The following DEPDC5 variants were observed in gnomAD, a reference collection of about 807,000 sequenced individuals.
DEPDC5 encodes GATOR1 complex protein DEPDC5.
In DEPDC5, 73 loss-of-function variants were observed where a neutral mutation model predicts 217.3. The observed-to-expected ratio is 0.34, with a 90% CI of 0.28 to 0.41. The LOEUF (loss-of-function observed/expected upper bound fraction) is 0.41. Ranked by LOEUF, DEPDC5 falls within the 10% of genes least tolerant of loss-of-function variation. DEPDC5 has a pLI of 1.00. For missense variants in DEPDC5, 1,675 were observed against 2,070.1 expected (o/e 0.81, Z 3.70); for synonymous variants, 733 against 756.7 (o/e 0.97, Z 0.51).
intron 37 of DEPDC5, among the ~76,000 whole-genome samples, chr22:31,878,944 T>C (rs1426478084): frequency 6.7e-6 from 1 of 149,814 alleles, no homozygotes; most frequent in Non-Finnish European, 1.5e-5. Context: ...GGAGAATCAC[T>C]TGAACCTGGG....
chr22:31,814,821 C>T, intron 20 of DEPDC5, 171 bp from the exon 21 acceptor site: 1 of 632,636 alleles, frequency 1.6e-6, no homozygotes, highest in African/African-American at 1.8e-5. Flanking sequence ...TATATAACAT[C>T]TCAAGCTGTT....
rs34058587 is a variant in DEPDC5 at position 31,776,572 on chromosome 22, C to CTTTTT, written c.414-1510_414-1506dup. The stretch of plus-strand genomic sequence containing the variant: ...TTTACTTTTTCTACTGTACTATTCA[C>CTTTTT]TTTTTTTTTTTTTTTTTTTTTGAGG... On this transcript the variant is annotated intron_variant, in intron 7 of 42. Coordinates refer to ENST00000651528, the MANE Select transcript of DEPDC5 (RefSeq NM_001242896.3). 1.4e-4 allele frequency among the ~76,000 whole-genome samples: 15 copies of CTTTTT among 104,136 alleles called. 1 individual carries two copies. The highest frequency in any genetic ancestry group is 3.7e-4 in the Admixed American group (3 of 8,008). 68.3% of individuals were successfully genotyped at this position (104,136 alleles called of 152,430 possible). A position where few individuals can be genotyped will look rare whatever the true frequency, so the allele number is the denominator to read the frequency against.
At chr22:31,771,923 G>C (rs141289656) in intron 7 of DEPDC5, among the ~76,000 whole-genome samples, 9 of 152,132 alleles carry the variant, frequency 5.9e-5, no homozygotes, top group African/African-American at 2.2e-4. Flanking sequence ...ACAAAAATTA[G>C]CTGGTCATGG....
intron 21 of DEPDC5, chr22:31,817,521 C>G (rs992034409): frequency 9.3e-6 from 4 of 430,636 alleles, no homozygotes; most frequent in Non-Finnish European, 1.8e-5. Flanking sequence ...CAGGTTCTCA[C>G]TCTGTTGCCC....
chr22:31,766,787 T>G, intron 6 of DEPDC5, 119 bp downstream of exon 6: 1 of 811,730 alleles, frequency 1.2e-6, no homozygotes, highest in Non-Finnish European at 2.0e-6. Context: ...TACAGACAAT[T>G]ATTGTCAACG....
In DEPDC5 at chr22:31,868,092, G is replaced by C. The variant is rs2092737590; in HGVS notation, c.3331-2498G>C. Among the ~76,000 whole-genome samples, 3 of 152,154 alleles carry C rather than the reference G, an allele frequency of 2.0e-5. 1 individual carries two copies. Among genetic ancestry groups the C allele is most frequent in the Admixed American group, 2.0e-4 (3 of 15,282 alleles). Reference sequence around the variant, plus strand: ...AAGCTGTCTCTTGCTGCATTTCTCTGTGTGTTTATGGTGCCAGCAAAACCT... The same window carrying C: ...AAGCTGTCTCTTGCTGCATTTCTCTCTGTGTTTATGGTGCCAGCAAAACCT... On this transcript the variant is annotated intron_variant, in intron 33 of 42. Transcript: ENST00000651528.
intron 7 of DEPDC5, among the ~76,000 whole-genome samples, chr22:31,777,719 C>G (rs2084020682): frequency 6.6e-6 from 1 of 151,998 alleles, no homozygotes; most frequent in Admixed American, 6.6e-5. Flanking sequence ...GCAGAGCCAC[C>G]TGAAGTTGCC....
intron 38 of DEPDC5, among the ~76,000 whole-genome samples, chr22:31,883,219 AG>A (rs1194367395): frequency 6.6e-6 from 1 of 152,152 alleles, no homozygotes; most frequent in African/African-American, 2.4e-5. Context: ...CCGCTGTCCT[AG>A]GGGGAACTGA....
intron 35 of DEPDC5, 94 bp from the exon 36 acceptor site, chr22:31,874,179 T>TC: frequency 6.6e-7 from 1 of 1,506,586 alleles, no homozygotes; most frequent in Non-Finnish European, 9.0e-7. Context: ...TATTAAATGC[T>TC]CTAGTGGGAG....
intron 38 of DEPDC5, 125 bp from the exon 39 acceptor site, chr22:31,893,457 C>A (rs922517590): frequency 1.4e-5 from 13 of 911,670 alleles, no homozygotes; most frequent in Admixed American, 7.9e-5. Flanking sequence ...CAGGAAACTT[C>A]TGGAATCTGC....
At chr22:31,761,428 C>T (rs2082376294) in intron 4 of DEPDC5, among the ~76,000 whole-genome samples, 1 of 151,992 alleles carries the variant, frequency 6.6e-6, no homozygotes, top group African/African-American at 2.4e-5. Flanking sequence ...TAATGGTGGC[C>T]TCCAACTCCA....
intron 12 of DEPDC5, 101 bp from the exon 13 acceptor site, chr22:31,797,499 C>T (rs975664975): frequency 8.9e-5 from 83 of 933,896 alleles, no homozygotes; most frequent in East Asian, 5.9e-4. Flanking sequence ...GTTCCTCCCT[C>T]GACACATGGG....
chr22:31,866,139 C>T (rs2092682259), intron 33 of DEPDC5, among the ~76,000 whole-genome samples: 1 of 152,122 alleles, frequency 6.6e-6, no homozygotes, highest in Admixed American at 6.6e-5. Flanking sequence ...GTGCTAATCT[C>T]AGAGGCATCT....
intron 38 of DEPDC5, among the ~76,000 whole-genome samples, chr22:31,889,108 G>C (rs1002252664): frequency 6.6e-6 from 1 of 152,134 alleles, no homozygotes; most frequent in African/African-American, 2.4e-5. Context: ...CCCTTCCCCA[G>C]GTTACTGATA....
rs1224909314 is a variant in DEPDC5, at chr22:31,784,825, T to C, written c.574T>C (p.Phe192Leu). 2 of 1,613,420 alleles carry C rather than the reference T, an allele frequency of 1.2e-6. No homozygotes were observed. The highest frequency in any genetic ancestry group is 1.7e-6 in the Non-Finnish European group (2 of 1,179,786). The part of the protein sequence containing the change: ...WDFDIYGDLY[F>L]EKAVNGFLAD... ...TTGTTTCTTTTCAGGGGATTTGTAT[T>C]TTGAGAAAGCTGTGAATGGTTTCCT... Residue 192 changes from phenylalanine to leucine, a missense_variant, in exon 10 of 43, where the codon TTT becomes CTT. Phe to Leu is a conservative substitution (Grantham distance 22, BLOSUM62 0). Transcript: ENST00000651528.
chr22:31,873,625 AT>A (rs2092911297), intron 35 of DEPDC5, among the ~76,000 whole-genome samples: 1 of 150,404 alleles, frequency 6.6e-6, no homozygotes, highest in African/African-American at 2.5e-5. Context: ...TTTAAAAGGG[AT>A]TTTTTAAAAA....
intron 7 of DEPDC5, among the ~76,000 whole-genome samples, chr22:31,771,715 T>TCA (rs55851105): frequency 0.054 from 4,218 of 77,858 alleles, 194 homozygotes; most frequent in African/African-American, 0.059. Context: ...CAAGACTCCG[T>TCA]CACACACACA....
chr22:31,865,268 A>G (rs1304722286), intron 33 of DEPDC5, among the ~76,000 whole-genome samples: 1 of 152,158 alleles, frequency 6.6e-6, no homozygotes, highest in Non-Finnish European at 1.5e-5. Context: ...AGGCAGGAAG[A>G]TCCCTATTAG....
At chr22:31,841,359 G>A (rs903094404) in intron 27 of DEPDC5, among the ~76,000 whole-genome samples, 1 of 152,246 alleles carries the variant, frequency 6.6e-6, no homozygotes, top group Non-Finnish European at 1.5e-5. Context: ...GACTGTCTCA[G>A]AGCTGAATGA....
Sources: allele counts gnomAD v4.1 joint callset (sites outside exome capture counted in the v4.1 genomes callset), GRCh38; gene constraint gnomAD v4.1.1; transcripts MANE v1.5; gene names NCBI Gene and HGNC (gene_info 2026-07-23, HGNC 2026-07-21).